Variants in PCDH1 observed in about 807,000 individuals in gnomAD.
PCDH1 encodes protocadherin-1.
In PCDH1, 23 loss-of-function variants were observed where a neutral mutation model predicts 74.6. The ratio of observed to expected loss-of-function variants is 0.31; its 90% CI spans 0.22 to 0.44. PCDH1 has a LOEUF of 0.44. Among genes scored for constraint, PCDH1 ranks in the 20% least tolerant of loss-of-function variants. The pLI is 1.00. For missense variants in PCDH1, 1,214 were observed against 1,641.4 expected (o/e 0.74, Z 4.50); for synonymous variants, 647 against 686.1 (o/e 0.94, Z 0.89).
chr5:141,878,202 CCACCGCCGCCG>C lies in PCDH1; in HGVS notation c.40+10_40+20del. 1 of 1,430,550 alleles carries C rather than the reference CCACCGCCGCCG, an allele frequency of 7.0e-7. No individual in the cohort carries two copies. The highest frequency in any genetic ancestry group is 9.1e-7 in the Non-Finnish European group (1 of 1,094,146). The allele number at this position is 1,430,550 out of a possible 1,614,324, so 88.6% of individuals were successfully genotyped here. On this transcript the variant is annotated intron_variant, in intron 1 of 4. Coordinates refer to ENST00000287008, the MANE Select transcript of PCDH1 (RefSeq NM_032420.5). The surrounding 1 kb of genome is among the most constrained non-coding windows in gnomAD (Gnocchi z 5.5). ...TTCGGGCCCCAAGCCGCTGCTGCCT[CCACCGCCGCCG>C]GATCCTTACCCGCCTCCGGGCAGCG... is the stretch of plus-strand genomic sequence containing the variant.
intron 1 of PCDH1, among the ~76,000 whole-genome samples, chr5:141,876,306 G>T (rs1753232280): frequency 6.6e-6 from 1 of 152,142 alleles, no homozygotes; most frequent in African/African-American, 2.4e-5. Context: ...CCAGGCCACC[G>T]CGGGGAATCC....
rs1752748287 is a variant in PCDH1 at position 141,864,859 on chromosome 5, G to T, written c.1472C>A (p.Ser491Tyr). The change falls in exon 3 of 5, where the codon TCC (serine) becomes TAC (tyrosine). Residue 491 changes from serine to tyrosine, a missense_variant. Transcript: ENST00000287008. The surrounding 1 kb of genome is among the most constrained non-coding windows in gnomAD (Gnocchi z 5.9). ...GACGTCCACCACCTGCACCTTGAGG[G>T]AGTTAGTGCTGGAGAGTGGGGGGTT... ...SGNPPLSSTN[S>Y]LKVQVVDVND... The T allele has an allele frequency of 6.2e-7, 1 of 1,614,242 alleles. No individual in the cohort carries two copies. Among genetic ancestry groups the T allele is most frequent in the Non-Finnish European group, 8.5e-7 (1 of 1,180,050 alleles).
rs1752928606 is a variant in PCDH1, at chr5:141,868,105, G to A, written c.903+464C>T. On this transcript the variant is annotated intron_variant, in intron 2 of 4. Coordinates refer to ENST00000287008, the MANE Select transcript of PCDH1 (RefSeq NM_032420.5). This position sits in a 1 kb window ranked among gnomAD's most constrained non-coding sequence, Gnocchi z 4.8. The stretch of plus-strand genomic sequence containing the variant: ...TGATCTCATCTGACTTTGTCAGGAA[G>A]AGGCAAAATGAGGCTATATCCTCCA... 1.3e-5 allele frequency among the ~76,000 whole-genome samples: 2 copies of A among 152,258 alleles called. No homozygotes were observed. Among genetic ancestry groups the A allele is most frequent in the African/African-American group, 4.8e-5 (2 of 41,468 alleles).
At chr5:141,857,915 C>T (rs967026027) in intron 3 of PCDH1, among the ~76,000 whole-genome samples, 3 of 152,162 alleles carry the variant, frequency 2.0e-5, no homozygotes, top group Non-Finnish European at 4.4e-5. Context: ...CTAATTCCAG[C>T]TCAGCCTCTA....
intron 3 of PCDH1, among the ~76,000 whole-genome samples, chr5:141,860,164 C>T (rs1752509887): frequency 1.3e-5 from 2 of 151,956 alleles, no homozygotes; most frequent in Non-Finnish European, 2.9e-5. Flanking sequence ...ATACTGTGCT[C>T]GTCAAAGGAA....
chr5:141,874,867 G>C (rs946242947), intron 1 of PCDH1, among the ~76,000 whole-genome samples: 1 of 152,096 alleles, frequency 6.6e-6, no homozygotes, highest in Non-Finnish European at 1.5e-5. Flanking sequence ...ATGGGGTTGC[G>C]TGGGGTGGAG....
rs146175578 is a variant in PCDH1, at chr5:141,868,665, G to A, written c.807C>T (p.Thr269=). 52 of 1,610,690 alleles carry A rather than the reference G, an allele frequency of 3.2e-5. No individual in the cohort carries two copies. Among genetic ancestry groups the A allele is most frequent in the South Asian group, 3.1e-4 (28 of 90,816 alleles). Residue 269 remains threonine (T), a synonymous_variant, in exon 2 of 5, where the codon ACC becomes ACT. Transcript: ENST00000287008. The surrounding 1 kb of genome is among the most constrained non-coding windows in gnomAD (Gnocchi z 4.8). The part of the protein sequence containing the change: ...PRASSALLRV[T]VLDTNDNAPK... Reference sequence around the variant, plus strand: ...GGGCGTTGTCATTGGTGTCAAGCACGGTGACACGCAGCAGGGCACTGCTGG... The same window carrying A: ...GGGCGTTGTCATTGGTGTCAAGCACAGTGACACGCAGCAGGGCACTGCTGG...
chr5:141,854,077 ATGC>A lies in PCDH1; in HGVS notation c.3676_3678del (p.Ala1226del), dbSNP rs1171329615. 6.5e-7 allele frequency: 1 copy of A among 1,538,522 alleles called. No homozygotes were observed. The highest frequency in any genetic ancestry group is 8.8e-7 in the Non-Finnish European group (1 of 1,140,006). ...ATCTCGCGCTTGGCCGTCTGGGCAG[ATGC>A]CGGTGTGGCTGCGGGTGGGAAGTCC... On this transcript the variant is annotated inframe_deletion, in exon 5 of 5. Transcript: ENST00000287008.
At position 141,857,334 on chromosome 5, in the gene PCDH1, G is replaced by A. The variant is rs781624054; in HGVS notation, c.3237C>T (p.Leu1079=). 27 of 1,613,706 alleles carry A rather than the reference G, an allele frequency of 1.7e-5. 1 individual carries two copies. Among genetic ancestry groups the A allele is most frequent in the South Asian group, 1.1e-4 (10 of 91,056 alleles). ...GATCCTCAGGCAGGGCCAGGGGACC[G>A]AGTCGAGGCCCTGAGGATGACTTGC... ...PSSKSSSGPR[L]GPLALPEDHY... is the part of the protein sequence containing the mutation. The change falls in exon 4 of 5, where the codon CTC becomes CTT. Residue 1079 remains leucine (L), a synonymous_variant. Coordinates refer to ENST00000287008, the MANE Select transcript of PCDH1 (RefSeq NM_032420.5).
Position 141,863,990 on chromosome 5 carries a change from C to G in PCDH1, c.2341G>C (p.Glu781Gln). The change falls in exon 3 of 5, where the codon GAG (glutamate) becomes CAG (glutamine). Residue 781 changes from glutamate (E) to glutamine (Q), a missense_variant. This residue lies in a region of PCDH1 where 836 missense variants were observed against 1,182.2 expected (regional missense o/e 0.71). Transcript: ENST00000287008. This position sits in a 1 kb window ranked among gnomAD's most constrained non-coding sequence, Gnocchi z 7.5. The part of the protein sequence containing the change: ...SGAITLEKEI[E>Q]RRHHGLHRLV... ...CGGTGTAGCCCATGGTGGCGCCGCT[C>G]AATCTCCTTCTCCAGGGTGATGGCA... 1 of 1,613,872 alleles carries G rather than the reference C, an allele frequency of 6.2e-7. No individual in the cohort carries two copies. The highest frequency in any genetic ancestry group is 1.7e-5 in the Admixed American group (1 of 60,018).
intron 3 of PCDH1, among the ~76,000 whole-genome samples, chr5:141,860,995 A>G (rs2126809928): frequency 6.6e-6 from 1 of 151,964 alleles, no homozygotes; most frequent in South Asian, 2.1e-4. Context: ...CATGCCTGTA[A>G]TCCCAGCTAC....
At position 141,863,015 on chromosome 5, in the gene PCDH1, G is replaced by A. The variant is rs770451070; in HGVS notation, c.3099+217C>T. 3.6e-5 allele frequency: 46 copies of A among 1,278,588 alleles called. No individual in the cohort carries two copies. The highest frequency in any genetic ancestry group is 4.4e-5 in the Non-Finnish European group (45 of 1,013,876). 79.2% of individuals were successfully genotyped at this position (1,278,588 alleles called of 1,614,324 possible). ...TCCCCAGTGGGGAGAGGGCAGGGAG[G>A]AGACCACAGAGCACACCCTCCCTTA... On this transcript the variant is annotated intron_variant, in intron 3 of 4. Transcript: ENST00000287008. The surrounding 1 kb of genome is among the most constrained non-coding windows in gnomAD (Gnocchi z 7.5).
intron 1 of PCDH1, among the ~76,000 whole-genome samples, chr5:141,877,907 C>T (rs1753280251): frequency 6.6e-6 from 1 of 152,200 alleles, no homozygotes; most frequent in East Asian, 1.9e-4. Context: ...CAAACCCATC[C>T]TCCACGCCGC....
rs768075458 is a variant in PCDH1, at chr5:141,869,321, C to T, written c.151G>A (p.Ala51Thr). The T allele has an allele frequency of 1.9e-6, 3 of 1,599,242 alleles. No homozygotes were observed. The highest frequency in any genetic ancestry group is 2.6e-6 in the Non-Finnish European group (3 of 1,173,796). ...SMLLALLLLL[A>T]PSPGHATRVV... ...CGAGTGGCGTGGCCTGGGGATGGAG[C>T]CAGCAGGAGCAGCAGTGCTAGCAGC... Residue 51 changes from alanine to threonine, a missense_variant, in exon 2 of 5, where the codon GCT becomes ACT. By Grantham distance (58) the Ala-to-Thr change is moderately conservative. Transcript: ENST00000287008. This position sits in a 1 kb window ranked among gnomAD's most constrained non-coding sequence, Gnocchi z 4.9.
chr5:141,872,960 C>G (rs1423631072), intron 1 of PCDH1, among the ~76,000 whole-genome samples: 1 of 152,120 alleles, frequency 6.6e-6, no homozygotes, highest in Non-Finnish European at 1.5e-5. Flanking sequence ...TTTCAAGCAT[C>G]TGGAGAGTTT....
At chr5:141,866,932 G>A (rs1434067990) in intron 2 of PCDH1, among the ~76,000 whole-genome samples, 2 of 152,156 alleles carry the variant, frequency 1.3e-5, no homozygotes, top group African/African-American at 4.8e-5. Context: ...TCTCCTCCTT[G>A]GGAATGGGAA....
At position 141,864,060 on chromosome 5, in the gene PCDH1, T is replaced by C; in HGVS notation, c.2271A>G (p.Ala757=). The C allele has an allele frequency of 6.2e-7, 1 of 1,613,806 alleles. No individual in the cohort carries two copies. Among genetic ancestry groups the C allele is most frequent in the Non-Finnish European group, 8.5e-7 (1 of 1,179,804 alleles). ...GGAAGAGTCCATAAGGGTTGCCACC[T>C]GCAATGCTGTAGATCAGCTCAGCAT... is the stretch of plus-strand genomic sequence containing the variant. ...GVNAELIYSI[A]GGNPYGLFQI... Residue 757 remains alanine, a synonymous_variant, in exon 3 of 5, where the codon GCA becomes GCG. Coordinates refer to ENST00000287008, the MANE Select transcript of PCDH1 (RefSeq NM_032420.5). The surrounding 1 kb of genome is among the most constrained non-coding windows in gnomAD (Gnocchi z 5.9).
intron 4 of PCDH1, among the ~76,000 whole-genome samples, chr5:141,855,473 A>ACT (rs141008706): frequency 6.7e-6 from 1 of 149,508 alleles, no homozygotes; most frequent in East Asian, 2.0e-4. Flanking sequence ...GACACAATCA[A>ACT]CTCTCTCTCT....
At chr5:141,856,091 C>G in intron 4 of PCDH1, 1 of 859,626 alleles carries the variant, frequency 1.2e-6, no homozygotes. Flanking sequence ...CCTCAAAGTG[C>G]CAAGGCTCTA....
Sources: gnomAD v4.1 joint callset for allele counts (sites outside exome capture counted in the v4.1 genomes callset) on GRCh38, gnomAD v4.1.1 for gene constraint, gnomAD v4.1.1 regional missense constraint, Gnocchi (gnomAD v3.1) non-coding constraint, MANE v1.5 for transcripts, NCBI Gene and HGNC (gene_info 2026-07-23, HGNC 2026-07-21) for gene names.